PRRG2: variants seen among roughly 807,000 people sequenced by gnomAD.
PRRG2 encodes transmembrane gamma-carboxyglutamic acid protein 2.
PRRG2 carries 23 observed loss-of-function variants against 27.1 expected under a neutral mutation model. That is an observed-to-expected ratio of 0.85 (90% CI 0.61 to 1.20). PRRG2 has a LOEUF of 1.20. Among genes scored for constraint, PRRG2 ranks in the 50% most tolerant of loss-of-function variants. The probability of loss-of-function intolerance (pLI) is 0.00; values close to 1 mark genes in which losing one functional copy is unlikely to be tolerated. For missense variants in PRRG2, 276 were observed against 254.8 expected (o/e 1.08, Z -0.57); for synonymous variants, 104 against 103.4 (o/e 1.01, Z -0.03).
chr19:49,590,298 G>A, intron 6 of PRRG2, 73 bp from the exon 7 acceptor site: 5 of 1,607,114 alleles, frequency 3.1e-6, no homozygotes, highest in Non-Finnish European at 4.3e-6. Flanking sequence ...AAGGGCGGTC[G>A]GAGTGGTCCT....
chr19:49,590,645 G>C lies in PRRG2; in HGVS notation c.*256G>C, dbSNP rs1225085531. On this transcript the variant is annotated 3_prime_UTR_variant, in exon 7 of 7. Transcript: ENST00000246794. ...CTCCTGACCGTGAGGGCACTGGTCA[G>C]TTCCGCCCCCGTGGTAGGCAGACGC... 1.8e-6 allele frequency: 1 copy of C among 552,932 alleles called. No individual in the cohort carries two copies. Among genetic ancestry groups the C allele is most frequent in the African/African-American group, 1.9e-5 (1 of 52,394 alleles). 34.3% of individuals were successfully genotyped at this position (552,932 alleles called of 1,614,324 possible). A position where few individuals can be genotyped will look rare whatever the true frequency, so the allele number is the denominator to read the frequency against.
chr19:49,583,061 T>C (rs570983840), intron 1 of PRRG2, 146 bp from the exon 2 acceptor site: 5 of 627,010 alleles, frequency 8.0e-6, no homozygotes, highest in Admixed American at 6.4e-5. Flanking sequence ...TGAGTTTATA[T>C]AGGTAAACAG....
In PRRG2 at chr19:49,583,661, G is replaced by T. The variant is rs199514762; in HGVS notation, c.205G>T (p.Glu69Ter). 6.2e-7 allele frequency: 1 copy of T among 1,614,192 alleles called. No individual in the cohort carries two copies. The highest frequency in any genetic ancestry group is 2.2e-5 in the East Asian group (1 of 44,892). The change falls in exon 3 of 7, where the codon GAA (glutamate) becomes TAA (stop). Residue 69 changes from glutamate (E) to a stop codon, truncating the protein, a stop_gained. Coordinates refer to ENST00000246794, the MANE Select transcript of PRRG2 (RefSeq NM_000951.3). LOFTEE classifies it high-confidence loss of function. The stretch of plus-strand genomic sequence containing the variant: ...AGGGAACCTGGAACGGGAGTGTCTG[G>T]AAGAGAGGTGTTCCTGGGAAGAGGC... Reference protein sequence around the residue: ...TPGNLERECLEERCSWEEARE... With the variant: ...TPGNLERECL
intron 4 of PRRG2, among the ~76,000 whole-genome samples, chr19:49,586,002 C>T (rs967422641): frequency 3.4e-5 from 5 of 147,808 alleles, no homozygotes; most frequent in African/African-American, 1.3e-4. Context: ...ATCGTTTGAA[C>T]CCAGGAGCTG....
chr19:49,590,578 C>T lies in PRRG2; in HGVS notation c.*189C>T, dbSNP rs2080713456. On this transcript the variant is annotated 3_prime_UTR_variant, in exon 7 of 7. Transcript: ENST00000246794. Reference sequence around the variant, plus strand: ...CGTATGGATATACACATGTTTTCGGCAACGTGTTCCCGTGTCCTGGCCCCT... The same window carrying T: ...CGTATGGATATACACATGTTTTCGGTAACGTGTTCCCGTGTCCTGGCCCCT... The T allele has an allele frequency of 1.3e-6, 1 of 757,250 alleles. No homozygotes were observed. Among genetic ancestry groups the T allele is most frequent in the Non-Finnish European group, 2.1e-6 (1 of 466,122 alleles). 46.9% of individuals were successfully genotyped at this position (757,250 alleles called of 1,614,324 possible). A position where few individuals can be genotyped will look rare whatever the true frequency, so the allele number is the denominator to read the frequency against.
chr19:49,583,177 C>T lies in PRRG2; in HGVS notation c.-13-30C>T, dbSNP rs1329846483. On this transcript the variant is annotated intron_variant, in intron 1 of 6. Transcript: ENST00000246794. ...TGCCTCATTACCCAGGGACTAAGGC[C>T]CTTGTCAGCTGTAACAAACCTGGTT... The T allele has an allele frequency of 3.8e-6, 6 of 1,579,748 alleles. No individual in the cohort carries two copies. The Admixed American group carries it at 8.4e-5, about 22-fold the overall frequency.
intron 4 of PRRG2, 122 bp downstream of exon 4, chr19:49,584,074 C>T: frequency 9.5e-7 from 1 of 1,047,364 alleles, no homozygotes; most frequent in Non-Finnish European, 1.4e-6. Context: ...CAATTCTGTG[C>T]TCTCTGAAGC....
chr19:49,582,537 CA>C (rs2080635678), intron 1 of PRRG2, among the ~76,000 whole-genome samples: 1 of 151,974 alleles, frequency 6.6e-6, no homozygotes, highest in African/African-American at 2.4e-5. Context: ...GAGGCTGAGG[CA>C]GGCAGATCAC....
chr19:49,583,750 C>T, intron 3 of PRRG2, 33 bp downstream of exon 3: 2 of 1,611,690 alleles, frequency 1.2e-6, no homozygotes, highest in South Asian at 1.1e-5. Flanking sequence ...GTTTCGGGCC[C>T]TCTCTCTTCT....
At position 49,589,920 on chromosome 19, in the gene PRRG2, TGA is replaced by T. The variant is rs753104759; in HGVS notation, c.460_461del (p.Pro155PhefsTer24). On this transcript the variant is annotated frameshift_variant, in exon 6 of 7. Transcript: ENST00000246794. LOFTEE classifies it high-confidence loss of function. Reference sequence around the variant, plus strand: ...CCCAGGGCCGGGCTCATTAGCCCTCTGAGTCCTTTGAACCCTCTGGGCCCACC... The same window carrying T: ...CCCAGGGCCGGGCTCATTAGCCCTCTGTCCTTTGAACCCTCTGGGCCCACC... 5 of 1,612,514 alleles carry T rather than the reference TGA, an allele frequency of 3.1e-6. No homozygotes were observed. In the African/African-American group the frequency reaches 6.7e-5, roughly 22 times the overall value.
intron 4 of PRRG2, among the ~76,000 whole-genome samples, chr19:49,584,318 C>A (rs1033113811): frequency 2.0e-5 from 3 of 151,564 alleles, no homozygotes; most frequent in African/African-American, 7.3e-5. Context: ...CTACAGGCAC[C>A]CACCACCACA....
Position 49,590,425 on chromosome 19 carries a change from C to T in PRRG2, c.*36C>T. The T allele has an allele frequency of 6.2e-7, 1 of 1,613,448 alleles. No individual in the cohort carries two copies. The highest frequency in any genetic ancestry group is 1.1e-5 in the South Asian group (1 of 91,066). On this transcript the variant is annotated 3_prime_UTR_variant, in exon 7 of 7. Transcript: ENST00000246794. ...TCGAGACCCGGCTCTCCGAACCGTG[C>T]CCCTGATTCATACCGGATTCCGGAA...
chr19:49,588,593 G>A lies in PRRG2; in HGVS notation c.398G>A (p.Arg133His), dbSNP rs760299116. The change falls in exon 5 of 7, where the codon CGC becomes CAC. Residue 133 changes from arginine (R) to histidine (H), a missense_variant. By Grantham distance (29) the Arg-to-His change is conservative (BLOSUM62 0). Transcript: ENST00000246794. ...LAGLGAFWYL[R>H]WRQHRGQQPC... ...GGCCTGGGAGCCTTTTGGTATCTGC[G>A]CTGGCGACAGCACCGAGGCCAGCAG... The A allele has an allele frequency of 1.2e-5, 18 of 1,549,924 alleles. No individual in the cohort carries two copies. Among genetic ancestry groups the A allele is most frequent in the East Asian group, 2.4e-5 (1 of 41,228 alleles).
At chr19:49,583,353 C>A (rs2080642672) in intron 2 of PRRG2, 49 bp downstream of exon 2, 2 of 1,587,214 alleles carry the variant, frequency 1.3e-6, no homozygotes, top group South Asian at 1.1e-5. Context: ...TTGGCCTCCC[C>A]CTGACTCAGG....
Position 49,590,376 on chromosome 19 carries a change from G to A in PRRG2, c.596G>A (p.Arg199Lys). The A allele has an allele frequency of 6.2e-7, 1 of 1,614,136 alleles. No individual in the cohort carries two copies. The highest frequency in any genetic ancestry group is 8.5e-7 in the Non-Finnish European group (1 of 1,180,012). The change falls in exon 7 of 7, where the codon AGG (arginine) becomes AAG (lysine). Residue 199 changes from arginine (R) to lysine (K), a missense_variant. Arg to Lys is a conservative substitution (Grantham distance 26). Coordinates refer to ENST00000246794, the MANE Select transcript of PRRG2 (RefSeq NM_000951.3). Reference protein sequence around the residue: ...DAPPPPYTSLRRPH With the variant: ...DAPPPPYTSLKRPH Reference sequence around the variant, plus strand: ...GTGTGCCTTTCCTCTTGCAGCCTCAGGAGGCCTCACTGAAGAGCTGCTTTC... The same window carrying A: ...GTGTGCCTTTCCTCTTGCAGCCTCAAGAGGCCTCACTGAAGAGCTGCTTTC...
rs574825491 is a variant in PRRG2, at chr19:49,586,623, C to T, written c.302-1874C>T. On this transcript the variant is annotated intron_variant, in intron 4 of 6. Transcript: ENST00000246794. ...ATCCCAGCACTTTGGGAGGCCAAGG[C>T]GGGTGGATCACGAGGTCAAGAGATC... Among the ~76,000 whole-genome samples, 172 of 152,054 alleles carry T rather than the reference C, an allele frequency of 1.1e-3. 3 individuals are homozygous for T. The South Asian group carries it at 0.012, about 11-fold the overall frequency.
At position 49,583,902 on chromosome 19, in the gene PRRG2, T is replaced by C; in HGVS notation, c.262-11T>C. 1 of 1,613,402 alleles carries C rather than the reference T, an allele frequency of 6.2e-7. No homozygotes were observed. Among genetic ancestry groups the C allele is most frequent in the South Asian group, 1.1e-5 (1 of 91,040 alleles). On this transcript the variant is annotated splice_polypyrimidine_tract_variant and intron_variant, in intron 3 of 6. Coordinates refer to ENST00000246794, the MANE Select transcript of PRRG2 (RefSeq NM_000951.3). ...CTTTTTCCCCTTCTTTTCCACTCCT[T>C]CCCCCTCAAGGAGCGCTTTTGGGAG...
chr19:49,590,318 G>T, intron 6 of PRRG2, 53 bp from the exon 7 acceptor site: 1 of 1,613,552 alleles, frequency 6.2e-7, no homozygotes. Flanking sequence ...TGGTTGAAGG[G>T]GGGAGAAAAA....
chr19:49,586,145 G>A (rs1003049446), intron 4 of PRRG2, among the ~76,000 whole-genome samples: 3 of 149,688 alleles, frequency 2.0e-5, no homozygotes, highest in African/African-American at 7.4e-5. Context: ...GCAGTGGCAC[G>A]ATGACGACTC....
Sources: allele counts gnomAD v4.1 joint callset (sites outside exome capture counted in the v4.1 genomes callset), GRCh38; gene constraint gnomAD v4.1.1; transcripts MANE v1.5; gene names NCBI Gene and HGNC (gene_info 2026-07-23, HGNC 2026-07-21).